Variants in FGF12 observed in about 807,000 individuals in gnomAD.
FGF12 encodes fibroblast growth factor 12, also known as fibroblast growth factor 12B.
Under a neutral mutation model 23.6 loss-of-function variants are expected in FGF12, and 14 were observed. That is an observed-to-expected ratio of 0.59 (90% confidence interval 0.39 to 0.93). FGF12 has a LOEUF of 0.93. Ranked by LOEUF, FGF12 falls within the 40% of genes least tolerant of loss-of-function variation. FGF12 has a pLI of 0.00. For missense variants in FGF12, 175 were observed against 217.8 expected, an observed-to-expected ratio of 0.80 and a Z score of 1.24; for synonymous variants, 62 against 77.3, an observed-to-expected ratio of 0.80 and a Z score of 1.04.
At chr3:192,317,489 C>G (rs114082324) in intron 4 of FGF12, among the ~76,000 whole-genome samples, 1 of 152,028 alleles carries the variant, frequency 6.6e-6, no homozygotes, top group African/African-American at 2.4e-5. Context: ...CAGGAAGAGA[C>G]TCTCCTGCTT....
intron 2 of FGF12, among the ~76,000 whole-genome samples, chr3:192,511,222 T>TAAACACACACACACAC (rs1553823683): frequency 6.7e-6 from 1 of 149,562 alleles, no homozygotes; most frequent in South Asian, 2.1e-4. Flanking sequence ...CAATTGTGTG[T>TAAACACACACACACAC]ACACACACAC....
chr3:192,174,663 G>A (rs541062210), intron 4 of FGF12, among the ~76,000 whole-genome samples: 1 of 151,506 alleles, frequency 6.6e-6, no homozygotes, highest in African/African-American at 2.4e-5. Flanking sequence ...ATGGAGTTGG[G>A]CATCAAAGAA....
intron 4 of FGF12, among the ~76,000 whole-genome samples, chr3:192,317,595 G>T (rs934712346): frequency 2.0e-5 from 3 of 152,066 alleles, no homozygotes; most frequent in Non-Finnish European, 4.4e-5. Flanking sequence ...GATTCATAAG[G>T]TTCTCAACTC....
intron 4 of FGF12, among the ~76,000 whole-genome samples, chr3:192,278,577 A>G (rs1336504194): frequency 2.0e-5 from 3 of 152,254 alleles, no homozygotes; most frequent in Non-Finnish European, 2.9e-5. Flanking sequence ...GATGTGGGCC[A>G]CATGGCAAAA....
chr3:192,386,904 T>C (rs934454405), intron 2 of FGF12, among the ~76,000 whole-genome samples: 29 of 152,216 alleles, frequency 1.9e-4, no homozygotes, highest in Admixed American at 1.8e-3. Flanking sequence ...ACAGGGCTAG[T>C]GCCTTTATAT....
At chr3:192,592,643 T>G (rs1713676433) in intron 2 of FGF12, among the ~76,000 whole-genome samples, 1 of 151,868 alleles carries the variant, frequency 6.6e-6, no homozygotes, top group African/African-American at 2.4e-5. Flanking sequence ...GCAGGATACT[T>G]CACAGGGCAT....
At position 192,553,725 on chromosome 3, in the gene FGF12, G is replaced by A. The variant is rs1308763969; in HGVS notation, c.13+173456C>T. On this transcript the variant is annotated intron_variant, in intron 2 of 5. Transcript: ENST00000445105. ...CCCCCGGCTCAGAGTTGTACAATCCGGAGAAAACTCCCATTTCCTGGCTTC... is the reference window on the plus strand; with the variant it reads ...CCCCCGGCTCAGAGTTGTACAATCCAGAGAAAACTCCCATTTCCTGGCTTC... Among the ~76,000 whole-genome samples the A allele has an allele frequency of 5.9e-5, 9 of 152,194 alleles. No homozygotes were observed. In the South Asian group the frequency reaches 1.2e-3, roughly 21 times the overall value.
chr3:192,626,318 A>G (rs1715165968), intron 2 of FGF12, among the ~76,000 whole-genome samples: 1 of 152,244 alleles, frequency 6.6e-6, no homozygotes, highest in East Asian at 1.9e-4. Flanking sequence ...AACAGTAAAT[A>G]TTTTTCAACG....
chr3:192,411,957 GT>G (rs35730192), intron 2 of FGF12, among the ~76,000 whole-genome samples: 9 of 149,684 alleles, frequency 6.0e-5, no homozygotes, highest in South Asian at 2.1e-4. Flanking sequence ...AATATGGCCG[GT>G]TTTTTTTTTC....
At chr3:192,268,980 A>G (rs527694947) in intron 4 of FGF12, among the ~76,000 whole-genome samples, 21 of 152,142 alleles carry the variant, frequency 1.4e-4, no homozygotes, top group African/African-American at 5.1e-4. Context: ...AGCAGCATGA[A>G]CCTGGCTCAC....
At chr3:192,600,015 T>C (rs1344181998) in intron 2 of FGF12, among the ~76,000 whole-genome samples, 3 of 152,056 alleles carry the variant, frequency 2.0e-5, no homozygotes, top group Non-Finnish European at 4.4e-5. Flanking sequence ...AGTTTTACAG[T>C]TTCAGGTCTT....
intron 2 of FGF12, among the ~76,000 whole-genome samples, chr3:192,517,804 T>TA (rs1724711033): frequency 6.6e-6 from 1 of 152,210 alleles, no homozygotes; most frequent in African/African-American, 2.4e-5. Flanking sequence ...AAAAGGCTCT[T>TA]ACACTTATCA....
chr3:192,200,942 T>C (rs1038162933), intron 4 of FGF12, among the ~76,000 whole-genome samples: 13 of 151,840 alleles, frequency 8.6e-5, no homozygotes, highest in African/African-American at 2.9e-4. Flanking sequence ...ACCTCAGTAC[T>C]TTAAGAGATG....
chr3:192,282,674 A>G (rs541341547), intron 4 of FGF12: 1 of 152,096 alleles, frequency 6.6e-6, no homozygotes, highest in African/African-American at 2.4e-5. Flanking sequence ...TGATATATGT[A>G]TATTAGATAT....
intron 5 of FGF12, among the ~76,000 whole-genome samples, chr3:192,155,169 G>A (rs1008533877): frequency 1.3e-5 from 2 of 151,882 alleles, no homozygotes; most frequent in African/African-American, 4.8e-5. Flanking sequence ...GCCCTGCTTC[G>A]GCTCGCGCAC....
intron 4 of FGF12, among the ~76,000 whole-genome samples, chr3:192,271,522 C>G (rs1386761042): frequency 6.6e-6 from 1 of 152,132 alleles, no homozygotes; most frequent in South Asian, 2.1e-4. Context: ...GAAATCCAAC[C>G]TACAAAGCCT....
chr3:192,668,662 C>G (rs1232054276), intron 2 of FGF12, among the ~76,000 whole-genome samples: 1 of 152,144 alleles, frequency 6.6e-6, no homozygotes, highest in Non-Finnish European at 1.5e-5. Flanking sequence ...TATCATGAGA[C>G]CTGGTTTGGA....
At chr3:192,410,233 C>T (rs1233746265) in intron 2 of FGF12, among the ~76,000 whole-genome samples, 2 of 152,194 alleles carry the variant, frequency 1.3e-5, no homozygotes, top group African/African-American at 4.8e-5. Context: ...TTCCTGGAGC[C>T]CTCCGCTTCC....
chr3:192,178,737 A>T (rs1716000839), intron 4 of FGF12, among the ~76,000 whole-genome samples: 1 of 152,154 alleles, frequency 6.6e-6, no homozygotes, highest in Non-Finnish European at 1.5e-5. Flanking sequence ...ACCTCAGACA[A>T]TCCGTCCACC....
Sources: gnomAD v4.1 joint callset for allele counts (sites outside exome capture counted in the v4.1 genomes callset) on GRCh38, gnomAD v4.1.1 for gene constraint, MANE v1.5 for transcripts, NCBI Gene and HGNC (gene_info 2026-07-23, HGNC 2026-07-21) for gene names.